The following THSD7B variants were observed in gnomAD, a reference collection of about 807,000 sequenced individuals.
The protein encoded by THSD7B is thrombospondin type-1 domain-containing protein 7B.
A neutral mutation model predicts 213.6 loss-of-function variants in THSD7B; 138 were observed. The observed-to-expected ratio is 0.65, with a 90% CI of 0.56 to 0.74. THSD7B has a LOEUF of 0.74. Ranked by LOEUF, THSD7B falls within the 30% of genes least tolerant of loss-of-function variation. The pLI is 0.00. For missense variants in THSD7B, 1,931 were observed against 1,991.5 expected (o/e 0.97, Z 0.58); for synonymous variants, 742 against 687.0 (o/e 1.08, Z -1.25).
chr2:137,670,499 G>A (rs1298468074), intron 27 of THSD7B, among the ~76,000 whole-genome samples: 1 of 151,798 alleles, frequency 6.6e-6, no homozygotes, highest in Non-Finnish European at 1.5e-5. Context: ...AAAAAAAATT[G>A]ACTTTTTAAA....
At chr2:137,157,158 C>T (rs1679925605) in intron 5 of THSD7B, among the ~76,000 whole-genome samples, 1 of 152,124 alleles carries the variant, frequency 6.6e-6, no homozygotes, top group Non-Finnish European at 1.5e-5. Flanking sequence ...TTGTCTGAGT[C>T]CAGTGGGAGC....
At chr2:137,198,691 A>C (rs1680815682) in intron 7 of THSD7B, among the ~76,000 whole-genome samples, 1 of 152,130 alleles carries the variant, frequency 6.6e-6, no homozygotes, top group Non-Finnish European at 1.5e-5. Flanking sequence ...ATAAATGGGA[A>C]TATATATTCT....
intron 12 of THSD7B, among the ~76,000 whole-genome samples, chr2:137,357,793 T>G (rs1294937040): frequency 6.6e-6 from 1 of 152,166 alleles, no homozygotes; most frequent in East Asian, 1.9e-4. Flanking sequence ...GCAGTAGTGA[T>G]GATGAAATTA....
intron 2 of THSD7B, among the ~76,000 whole-genome samples, chr2:136,908,536 T>C (rs1345885022): frequency 6.6e-6 from 1 of 152,230 alleles, no homozygotes; most frequent in Non-Finnish European, 1.5e-5. Flanking sequence ...CTGAAATCCA[T>C]CAGGTAATCT....
intron 2 of THSD7B, among the ~76,000 whole-genome samples, chr2:136,896,121 G>A (rs1683955948): frequency 1.3e-5 from 2 of 152,138 alleles, no homozygotes; most frequent in South Asian, 4.1e-4. Context: ...TTGTTGTCTT[G>A]TATGGAATAT....
intron 2 of THSD7B, among the ~76,000 whole-genome samples, chr2:136,887,035 A>G (rs144091158): frequency 6.6e-6 from 1 of 152,312 alleles, no homozygotes; most frequent in African/African-American, 2.4e-5. Flanking sequence ...AAATTCTAAT[A>G]TATTTCCTTT....
chr2:137,221,107 T>A (rs1048003091), intron 7 of THSD7B, among the ~76,000 whole-genome samples: 2 of 152,026 alleles, frequency 1.3e-5, no homozygotes, highest in Non-Finnish European at 2.9e-5. Context: ...AAGACCACGG[T>A]GAAACCCCGT....
At chr2:137,018,329 G>A (rs545012944) in intron 2 of THSD7B, among the ~76,000 whole-genome samples, 98 of 152,166 alleles carry the variant, frequency 6.4e-4, no homozygotes, top group South Asian at 1.2e-3. Context: ...ACATTTTTAA[G>A]GTTTCCCAAG....
At chr2:137,362,579 G>T (rs964463107) in intron 12 of THSD7B, among the ~76,000 whole-genome samples, 8 of 152,116 alleles carry the variant, frequency 5.3e-5, no homozygotes, top group African/African-American at 1.9e-4. Context: ...AGCAGGGGTT[G>T]CAATCCTCGT....
intron 1 of THSD7B, among the ~76,000 whole-genome samples, chr2:136,874,736 A>G (rs1424314850): frequency 1.3e-5 from 2 of 152,232 alleles, no homozygotes; most frequent in African/African-American, 4.8e-5. Flanking sequence ...TGTGTTTTTT[A>G]TTTCTCTTAA....
At chr2:137,642,385 T>A in intron 20 of THSD7B, 103 bp from the exon 21 acceptor site, 1 of 1,366,702 alleles carries the variant, frequency 7.3e-7, no homozygotes, top group Non-Finnish European at 1.0e-6. Context: ...CAGAGTTCAG[T>A]CTATTAAAAT....
At chr2:137,059,909 T>C (rs73958314) in intron 3 of THSD7B, among the ~76,000 whole-genome samples, 14,579 of 152,200 alleles carry the variant, frequency 0.096, 947 homozygotes, top group African/African-American at 0.18. Context: ...AATTGCTGTA[T>C]GGTATAGCAA....
chr2:137,365,916 A>G (rs1451450757), intron 12 of THSD7B, among the ~76,000 whole-genome samples: 2 of 152,220 alleles, frequency 1.3e-5, no homozygotes, highest in African/African-American at 4.8e-5. Flanking sequence ...ATTATAAATC[A>G]TGCTACTATA....
chr2:137,606,617 G>A (rs1682183126), intron 17 of THSD7B, among the ~76,000 whole-genome samples: 1 of 152,076 alleles, frequency 6.6e-6, no homozygotes, highest in African/African-American at 2.4e-5. Flanking sequence ...CTACTCTGCT[G>A]GCAGAGACTG....
At chr2:137,022,223 A>G (rs186449636) in intron 2 of THSD7B, among the ~76,000 whole-genome samples, 2 of 152,302 alleles carry the variant, frequency 1.3e-5, no homozygotes, top group East Asian at 3.9e-4. Context: ...CAATTAGTGC[A>G]TTGTATGATA....
At chr2:137,639,693 A>G (rs994308875) in intron 20 of THSD7B, among the ~76,000 whole-genome samples, 1 of 152,064 alleles carries the variant, frequency 6.6e-6, no homozygotes, top group African/African-American at 2.4e-5. Flanking sequence ...ATGGCAACCC[A>G]CCTTTTGCGT....
At chr2:137,460,232 G>C (rs1687858484) in intron 15 of THSD7B, among the ~76,000 whole-genome samples, 1 of 152,082 alleles carries the variant, frequency 6.6e-6, no homozygotes. Context: ...ACTTTTCTGA[G>C]TCTCCATTTC....
At position 137,066,027 on chromosome 2, in the gene THSD7B, A is replaced by G. The variant is rs560251783; in HGVS notation, c.950+8797A>G. Reference sequence around the variant, plus strand: ...GGCAGTTTTTGTTTTCGTAGATCTGAGTTTCTAACCTACATAATTTTCCTC... The same window carrying G: ...GGCAGTTTTTGTTTTCGTAGATCTGGGTTTCTAACCTACATAATTTTCCTC... On this transcript the variant is annotated intron_variant, in intron 3 of 27. Transcript: ENST00000409968. Among the ~76,000 whole-genome samples the G allele has an allele frequency of 2.6e-5, 4 of 151,992 alleles. No individual in the cohort carries two copies. In the South Asian group the frequency reaches 6.2e-4, roughly 24 times the overall value.
chr2:137,341,869 A>G (rs1029765909), intron 12 of THSD7B, among the ~76,000 whole-genome samples: 8 of 151,742 alleles, frequency 5.3e-5, no homozygotes, highest in African/African-American at 1.7e-4. Flanking sequence ...TTTAATTACT[A>G]TAGCTCCATA....
Sources: gnomAD v4.1 joint callset for allele counts (sites outside exome capture counted in the v4.1 genomes callset) on GRCh38, gnomAD v4.1.1 for gene constraint, MANE v1.5 for transcripts, NCBI Gene and HGNC (gene_info 2026-07-23, HGNC 2026-07-21) for gene names.